MUC4: variants seen among roughly 807,000 people sequenced by gnomAD.
MUC4 encodes mucin 4, cell surface associated, also known as mucin-4.
In MUC4, 202 loss-of-function variants were observed where a neutral mutation model predicts 257.9. The ratio of observed to expected loss-of-function variants is 0.78; its 90% CI spans 0.70 to 0.88. The LOEUF (loss-of-function observed/expected upper bound fraction) is 0.88. Ranked by LOEUF, MUC4 falls within the 40% of genes least tolerant of loss-of-function variation. MUC4 has a pLI of 0.00. For synonymous variants in MUC4, 2,351 were observed against 2,757.1 expected, an observed-to-expected ratio of 0.85 and a Z score of 4.62; for missense variants, 5,976 against 6,513.7, an observed-to-expected ratio of 0.92 and a Z score of 2.84.
chr3:195,767,703 T>TCGCC (rs1560263757), intron 7 of MUC4, among the ~76,000 whole-genome samples: 2 of 1,222 alleles, frequency 1.6e-3, no homozygotes, highest in Admixed American at 5.4e-3. Flanking sequence ...CCCCAAAAAA[T>TCGCC]ACCACCATCG....
intron 4 of MUC4, among the ~76,000 whole-genome samples, chr3:195,773,781 G>T (rs146734883): frequency 2.7e-3 from 409 of 152,194 alleles, no homozygotes; most frequent in Non-Finnish European, 4.1e-3. Context: ...TCGCTCAGTC[G>T]CCCTCTCATG....
At position 195,764,087 on chromosome 3, in the gene MUC4, G is replaced by A. The variant is rs748713367; in HGVS notation, c.14002C>T (p.Arg4668Trp). The A allele has an allele frequency of 1.9e-5, 30 of 1,608,760 alleles. No homozygotes were observed. Among genetic ancestry groups the A allele is most frequent in the African/African-American group, 5.3e-5 (4 of 74,856 alleles). The change falls in exon 11 of 25, where the codon CGG becomes TGG. Residue 4668 changes from arginine (R) to tryptophan (W), a missense_variant. Arg to Trp is a moderately radical substitution (Grantham distance 101, BLOSUM62 -3). Around this residue, in one of 44 missense-constraint regions of MUC4, gnomAD observed 996 missense variants for 1,137.3 expected, o/e 0.88. Coordinates refer to ENST00000463781, the MANE Select transcript of MUC4 (RefSeq NM_018406.7). ...PYLCALYQQR[R>W]PHVGCATYRP... ...TATGTAGCACAGCCCACGTGGGGCC[G>A]CCTCTGCTGGTACAGGGCACAGAGG...
intron 2 of MUC4, 24 bp downstream of exon 2, chr3:195,778,766 A>G (rs373631882): frequency 1.0e-4 from 164 of 1,589,952 alleles, no homozygotes; most frequent in Non-Finnish European, 1.4e-4. Context: ...TGGGAGACAT[A>G]AAGGCGAGGC....
chr3:195,749,815 T>C (rs1715999931), intron 23 of MUC4: 1 of 152,332 alleles, frequency 6.6e-6, no homozygotes, highest in Non-Finnish European at 1.5e-5. Context: ...GAAGGATATG[T>C]AGGAAATACT....
chr3:195,751,059 G>A lies in MUC4; in HGVS notation c.15701C>T (p.Ser5234Leu), dbSNP rs1011941967. The A allele has an allele frequency of 1.1e-5, 17 of 1,582,704 alleles. No individual in the cohort carries two copies. Among genetic ancestry groups the A allele is most frequent in the Admixed American group, 1.7e-5 (1 of 58,746 alleles). Residue 5234 changes from serine (S) to leucine (L), a missense_variant, in exon 23 of 25, where the codon TCG (serine) becomes TTG (leucine). Physicochemically the swap from Ser to Leu is moderately radical, Grantham distance 145 (BLOSUM62 -2). Coordinates refer to ENST00000463781, the MANE Select transcript of MUC4 (RefSeq NM_018406.7). Reference sequence around the variant, plus strand: ...GCCCCGAGGGCGGTACTGGAACTCCGAGATGACCATCCAGTGTTGGATGGG... The same window carrying A: ...GCCCCGAGGGCGGTACTGGAACTCCAAGATGACCATCCAGTGTTGGATGGG... The part of the protein sequence containing the change: ...GSPIQHWMVI[S>L]EFQYRPRGPV...
At chr3:195,770,095 T>G (rs1722471550) in intron 6 of MUC4, 121 bp downstream of exon 6, 11 of 1,064,528 alleles carry the variant, frequency 1.0e-5, no homozygotes. Flanking sequence ...GTGGGGGGGC[T>G]TGCTATAATT....
At chr3:195,778,594 C>G in intron 2 of MUC4, 139 bp from the exon 3 acceptor site, 1 of 1,311,778 alleles carries the variant, frequency 7.6e-7, no homozygotes, top group Non-Finnish European at 1.0e-6. Context: ...AAACTACTCT[C>G]GACATCAGTG....
intron 1 of MUC4, among the ~76,000 whole-genome samples, chr3:195,802,335 T>G (rs1481477222): frequency 7.2e-6 from 1 of 138,076 alleles, no homozygotes; most frequent in Non-Finnish European, 1.7e-5. Context: ...TCCCCGTCGC[T>G]TTGACTACTG....
rs768949727 is a variant in MUC4, at chr3:195,784,000, G to C, written c.7580C>G (p.Thr2527Ser). ...DTPSASTGDT[T>S]PLPVTNASSL... Reference sequence around the variant, plus strand: ...GGAAGCATTGGTGACAGGAAGAGGGGTGGTGTCACCTGTGGATGCTGAGGG... The same window carrying C: ...GGAAGCATTGGTGACAGGAAGAGGGCTGGTGTCACCTGTGGATGCTGAGGG... Residue 2527 changes from threonine to serine, a missense_variant, in exon 2 of 25, where the codon ACC (threonine) becomes AGC (serine). Thr to Ser is a moderately conservative substitution (Grantham distance 58, BLOSUM62 1). Transcript: ENST00000463781. 1.6e-5 allele frequency: 25 copies of C among 1,523,582 alleles called. No homozygotes were observed. The South Asian group carries it at 2.5e-4, about 15-fold the overall frequency. 94.4% of individuals were successfully genotyped at this position (1,523,582 alleles called of 1,614,324 possible).
At chr3:195,765,182 C>T in intron 9 of MUC4, 60 bp from the exon 10 acceptor site, 1 of 1,583,128 alleles carries the variant, frequency 6.3e-7, no homozygotes. Flanking sequence ...GGGGTGGGAA[C>T]AAGCAGGGGC....
chr3:195,757,424 ACCCTCC>A lies in MUC4; in HGVS notation c.14987-102_14987-97del. On this transcript the variant is annotated intron_variant, in intron 17 of 24. Coordinates refer to ENST00000463781, the MANE Select transcript of MUC4 (RefSeq NM_018406.7). The surrounding 1 kb of genome is among the most constrained non-coding windows in gnomAD (Gnocchi z 4.8). ...GGGCTTCCCCCACCCCTCTCAGGCCACCCTCCCCCTCCCCAGACAAATCTCATTGGT... is the reference window on the plus strand; with the variant it reads ...GGGCTTCCCCCACCCCTCTCAGGCCACCCTCCCCAGACAAATCTCATTGGT... The A allele has an allele frequency of 9.3e-7, 1 of 1,071,414 alleles. No homozygotes were observed. The highest frequency in any genetic ancestry group is 1.3e-6 in the Non-Finnish European group (1 of 770,812). The allele number at this position is 1,071,414 out of a possible 1,614,324, so 66.4% of individuals were successfully genotyped here.
rs1441106342 is a variant in MUC4 at position 195,810,720 on chromosome 3, G to A, written c.82+1016C>T. On this transcript the variant is annotated intron_variant, in intron 1 of 24. Coordinates refer to ENST00000463781, the MANE Select transcript of MUC4 (RefSeq NM_018406.7). This position sits in a 1 kb window ranked among gnomAD's most constrained non-coding sequence, Gnocchi z 4.2. ...CCGGCCTGCCCCTCTCCTCCTTGTC[G>A]CTTCCCTTGCTTGCTGCTGTCTCCC... Among the ~76,000 whole-genome samples the A allele has an allele frequency of 3.3e-5, 5 of 152,202 alleles. No individual in the cohort carries two copies. The highest frequency in any genetic ancestry group is 1.2e-4 in the African/African-American group (5 of 41,520).
At position 195,759,167 on chromosome 3, in the gene MUC4, G is replaced by A; in HGVS notation, c.14943C>T (p.Ala4981=). The A allele has an allele frequency of 1.2e-6, 2 of 1,613,274 alleles. No homozygotes were observed. Among genetic ancestry groups the A allele is most frequent in the Non-Finnish European group, 1.7e-6 (2 of 1,179,524 alleles). Residue 4981 remains alanine, a synonymous_variant, in exon 17 of 25, where the codon GCC becomes GCT. Transcript: ENST00000463781. ...LIQYTSNAED[A]NFTLRDSCTD... ...TGCAGCTGTCTCTGAGCGTGAAGTTGGCATCCTCAGCATTGCTGGTGTACT... is the reference window on the plus strand; with the variant it reads ...TGCAGCTGTCTCTGAGCGTGAAGTTAGCATCCTCAGCATTGCTGGTGTACT...
intron 14 of MUC4, 52 bp downstream of exon 14, chr3:195,762,035 G>C (rs561988966): frequency 1.3e-6 from 2 of 1,532,882 alleles, no homozygotes; most frequent in Non-Finnish European, 1.7e-6. Flanking sequence ...GTGGGGGTCC[G>C]AGCTCCGGCT....
rs1323546304 is a variant in MUC4, at chr3:195,754,519, C to T, written c.15169-147G>A. 10 of 1,122,018 alleles carry T rather than the reference C, an allele frequency of 8.9e-6. No homozygotes were observed. In the East Asian group the frequency reaches 2.7e-4, roughly 31 times the overall value. 69.5% of individuals were successfully genotyped at this position (1,122,018 alleles called of 1,614,324 possible). The stretch of plus-strand genomic sequence containing the variant: ...CAGCACCTGCTGAGCACCTTCTTGA[C>T]CAGGCCGTGGGGCGGCAAGGCCCTG... On this transcript the variant is annotated intron_variant, in intron 18 of 24. Coordinates refer to ENST00000463781, the MANE Select transcript of MUC4 (RefSeq NM_018406.7).
rs369469279 is a variant in MUC4 at position 195,751,539 on chromosome 3, A to G, written c.15583-268T>C. 5.1e-5 allele frequency: 29 copies of G among 569,952 alleles called. No individual in the cohort carries two copies. The East Asian group carries it at 5.3e-4, about 10-fold the overall frequency. The allele number at this position is 569,952 out of a possible 1,614,324, so 35.3% of individuals were successfully genotyped here. Reference sequence around the variant, plus strand: ...TCATATGACGAGCAGAGAATCTGACATGAATGGCCCCTACCTTGCCTCTGA... The same window carrying G: ...TCATATGACGAGCAGAGAATCTGACGTGAATGGCCCCTACCTTGCCTCTGA... On this transcript the variant is annotated intron_variant, in intron 21 of 24. Transcript: ENST00000463781.
chr3:195,747,913 G>C (rs1436920713), intron 24 of MUC4, among the ~76,000 whole-genome samples: 1 of 152,268 alleles, frequency 6.6e-6, no homozygotes, highest in Non-Finnish European at 1.5e-5. Flanking sequence ...GCAGTCAGCT[G>C]CACCTGGGCG....
intron 1 of MUC4, chr3:195,809,657 GC>G: frequency 6.6e-6 from 1 of 152,614 alleles, no homozygotes; most frequent in Non-Finnish European, 1.5e-5. Flanking sequence ...TCCGGGTCAC[GC>G]CCCCGTGCTT....
chr3:195,753,647 G>T, intron 19 of MUC4: 1 of 246,368 alleles, frequency 4.1e-6, no homozygotes. Context: ...GCCTTAGGGG[G>T]CTTGGTAAAG....
Sources: gnomAD v4.1 joint callset for allele counts (sites outside exome capture counted in the v4.1 genomes callset) on GRCh38, gnomAD v4.1.1 for gene constraint, gnomAD v4.1.1 regional missense constraint, Gnocchi (gnomAD v3.1) non-coding constraint, MANE v1.5 for transcripts, NCBI Gene and HGNC (gene_info 2026-07-23, HGNC 2026-07-21) for gene names.